CHMP5: variants seen among roughly 807,000 people sequenced by gnomAD.
CHMP5 encodes charged multivesicular body protein 5, also known as SNF7 domain containing 2.
CHMP5 carries 17 observed loss-of-function variants against 33.0 expected under a neutral mutation model. That is an observed-to-expected ratio of 0.52 (90% confidence interval 0.35 to 0.77). The LOEUF is 0.77. CHMP5 is among the 30% of genes least tolerant of loss of function. The pLI, the probability that CHMP5 is intolerant of heterozygous loss-of-function variation, is 0.01. For synonymous variants in CHMP5, 76 were observed against 90.2 expected, an observed-to-expected ratio of 0.84 and a Z score of 0.89; for missense variants, 216 against 261.5, an observed-to-expected ratio of 0.83 and a Z score of 1.20.
At chr9:33,272,768 C>T (rs1820810205) in intron 5 of CHMP5, among the ~76,000 whole-genome samples, 1 of 151,944 alleles carries the variant, frequency 6.6e-6, no homozygotes, top group Admixed American at 6.6e-5. Flanking sequence ...CCACTGCACT[C>T]CAGCCTGGGC....
At chr9:33,270,579 C>T (rs1174392550) in intron 3 of CHMP5, 44 bp from the exon 4 acceptor site, 1 of 1,414,804 alleles carries the variant, frequency 7.1e-7, no homozygotes, top group Non-Finnish European at 1.0e-6. Flanking sequence ...TTGAGGATTT[C>T]TATCTGGTTC....
At chr9:33,276,342 ACAT>A in intron 5 of CHMP5, 111 bp from the exon 6 acceptor site, 1 of 614,522 alleles carries the variant, frequency 1.6e-6, no homozygotes, top group Non-Finnish European at 2.9e-6. Context: ...CATTTTATAT[ACAT>A]TATCTTTTTA....
chr9:33,279,352 C>G lies in CHMP5; in HGVS notation c.609+1127C>G, dbSNP rs532086290. Among the ~76,000 whole-genome samples, 21 of 152,210 alleles carry G rather than the reference C, an allele frequency of 1.4e-4. No individual in the cohort carries two copies. The South Asian group carries it at 4.4e-3, about 32-fold the overall frequency. On this transcript the variant is annotated intron_variant, in intron 7 of 7. Transcript: ENST00000223500. Reference sequence around the variant, plus strand: ...GCAGGGAGCAGGTAATTTCTTAGGTCCATTATTACTGGTTTCTGTGAGTAT... The same window carrying G: ...GCAGGGAGCAGGTAATTTCTTAGGTGCATTATTACTGGTTTCTGTGAGTAT...
intron 5 of CHMP5, among the ~76,000 whole-genome samples, chr9:33,275,196 A>T (rs1001347764): frequency 7.9e-5 from 12 of 152,220 alleles, no homozygotes; most frequent in African/African-American, 2.9e-4. Context: ...TGTTTGCAGG[A>T]TGCGAAACCA....
chr9:33,272,161 A>C (rs1820801694), intron 5 of CHMP5, among the ~76,000 whole-genome samples: 1 of 152,154 alleles, frequency 6.6e-6, no homozygotes, highest in Non-Finnish European at 1.5e-5. Flanking sequence ...TGGCAAGAAG[A>C]GATAGCAGAG....
intron 6 of CHMP5, 132 bp downstream of exon 6, chr9:33,276,696 G>T: frequency 5.0e-6 from 3 of 601,654 alleles, no homozygotes; most frequent in South Asian, 4.2e-5. Flanking sequence ...TACTGTCCCT[G>T]GGCAAAGAGC....
chr9:33,265,407 C>G (rs16919130), intron 1 of CHMP5, among the ~76,000 whole-genome samples: 8,583 of 152,142 alleles, frequency 0.056, 270 homozygotes, highest in East Asian at 0.095. Context: ...CCCGTCCACT[C>G]GCTCTCGCCT....
chr9:33,281,117 TTTCA>T lies in CHMP5; in HGVS notation c.*265_*268del. 1 of 381,280 alleles carries T rather than the reference TTTCA, an allele frequency of 2.6e-6. No individual in the cohort carries two copies. 23.6% of individuals were successfully genotyped at this position (381,280 alleles called of 1,614,324 possible). A position where few individuals can be genotyped will look rare whatever the true frequency, so the allele number is the denominator to read the frequency against. On this transcript the variant is annotated 3_prime_UTR_variant, in exon 8 of 8. Coordinates refer to ENST00000223500, the MANE Select transcript of CHMP5 (RefSeq NM_016410.6). ...AGTATTTTTAGCTCGTATGACTTGT[TTTCA>T]TTCATTAATAATAATTTGAAATAAA...
chr9:33,270,019 A>G (rs1018369527), intron 3 of CHMP5, among the ~76,000 whole-genome samples: 2 of 152,202 alleles, frequency 1.3e-5, no homozygotes, highest in African/African-American at 4.8e-5. Context: ...AAATGCTATA[A>G]TGTTAAGTGG....
chr9:33,268,194 G>A (rs555387601), intron 3 of CHMP5, among the ~76,000 whole-genome samples: 1 of 152,348 alleles, frequency 6.6e-6, no homozygotes, highest in South Asian at 2.1e-4. Flanking sequence ...AGGAAATGAA[G>A]TTTAAATTTT....
At chr9:33,270,363 A>G (rs879801202) in intron 3 of CHMP5, among the ~76,000 whole-genome samples, 5 of 152,206 alleles carry the variant, frequency 3.3e-5, no homozygotes, top group Non-Finnish European at 7.3e-5. Flanking sequence ...GCCTAACAAC[A>G]TATTTCTCAG....
At chr9:33,267,094 G>A (rs1014552834) in intron 2 of CHMP5, among the ~76,000 whole-genome samples, 1 of 152,214 alleles carries the variant, frequency 6.6e-6, no homozygotes, top group African/African-American at 2.4e-5. Flanking sequence ...GTACCACTAT[G>A]TCTAGGATAA....
rs1163762375 is a variant in CHMP5 at position 33,265,291 on chromosome 9, C to A, written c.69+144C>A. On this transcript the variant is annotated intron_variant, in intron 1 of 7. Transcript: ENST00000223500. ...CGTCCCTCTCTATCTCACCTTCTCC[C>A]CTTCATCCCTGTTACCCAAGTCATT... The A allele has an allele frequency of 7.9e-5, 60 of 755,794 alleles. No individual in the cohort carries two copies. In the Admixed American group the frequency reaches 1.3e-3, roughly 16 times the overall value. The allele number at this position is 755,794 out of a possible 1,614,324, so 46.8% of individuals were successfully genotyped here.
At chr9:33,280,397 G>C (rs979398906) in intron 7 of CHMP5, among the ~76,000 whole-genome samples, 1 of 152,218 alleles carries the variant, frequency 6.6e-6, no homozygotes, top group Non-Finnish European at 1.5e-5. Flanking sequence ...ATATGGAAGT[G>C]ACTGCCTATC....
chr9:33,280,635 C>T (rs1445575865), intron 7 of CHMP5, among the ~76,000 whole-genome samples, 174 bp from the exon 8 acceptor site: 1 of 152,216 alleles, frequency 6.6e-6, no homozygotes, highest in Non-Finnish European at 1.5e-5. Context: ...CTTCTTGATT[C>T]ATCACTTCCT....
intron 5 of CHMP5, among the ~76,000 whole-genome samples, chr9:33,272,753 T>C (rs1434440311): frequency 6.6e-6 from 1 of 151,780 alleles, no homozygotes; most frequent in Non-Finnish European, 1.5e-5. Flanking sequence ...TGAGCCAAGA[T>C]TGCGCCACTG....
intron 7 of CHMP5, among the ~76,000 whole-genome samples, chr9:33,279,252 G>C (rs1820892458): frequency 6.6e-6 from 1 of 152,106 alleles, no homozygotes; most frequent in Non-Finnish European, 1.5e-5. Flanking sequence ...GTGACTTTGA[G>C]CAAAATAGCA....
intron 1 of CHMP5, 60 bp downstream of exon 1, chr9:33,265,207 C>G: frequency 2.0e-6 from 3 of 1,531,032 alleles, no homozygotes; most frequent in Non-Finnish European, 2.7e-6. Context: ...ACCCCGCCCA[C>G]CCCCAGCCCC....
intron 2 of CHMP5, 47 bp from the exon 3 acceptor site, chr9:33,267,804 GTA>G (rs1820744699): frequency 7.9e-7 from 1 of 1,273,756 alleles, no homozygotes. Context: ...TTCTTTTACC[GTA>G]TATGTGTTTT....
Sources: gnomAD v4.1 joint callset for allele counts (sites outside exome capture counted in the v4.1 genomes callset) on GRCh38, gnomAD v4.1.1 for gene constraint, MANE v1.5 for transcripts, NCBI Gene and HGNC (gene_info 2026-07-23, HGNC 2026-07-21) for gene names.